RAF1: variants seen among roughly 807,000 people sequenced by gnomAD.
RAF1 encodes the protein RAF proto-oncogene serine/threonine-protein kinase.
In RAF1, 27 loss-of-function variants were observed where a neutral mutation model predicts 81.1. That is an observed-to-expected ratio of 0.33 (90% CI 0.25 to 0.46). The LOEUF is 0.46. Ranked by LOEUF, RAF1 falls within the 20% of genes least tolerant of loss-of-function variation. The probability of loss-of-function intolerance (pLI) is 1.00; values close to 1 mark genes in which losing one functional copy is unlikely to be tolerated. For missense variants in RAF1, 598 were observed against 826.0 expected (o/e 0.72, Z 3.38); for synonymous variants, 298 against 294.0 (o/e 1.01, Z -0.14).
At chr3:12,605,274 G>T (rs1287129154) in intron 6 of RAF1, among the ~76,000 whole-genome samples, 2 of 151,926 alleles carry the variant, frequency 1.3e-5, no homozygotes, top group Non-Finnish European at 2.9e-5. Flanking sequence ...GTGTGTGTGT[G>T]TGTGTGTGTA....
intron 1 of RAF1, among the ~76,000 whole-genome samples, chr3:12,638,505 C>T (rs907710150): frequency 6.6e-6 from 1 of 152,152 alleles, no homozygotes; most frequent in Admixed American, 6.6e-5. Context: ...GATAATAATA[C>T]CCAATTAAAG....
At chr3:12,630,359 T>C (rs1449346520) in intron 1 of RAF1, among the ~76,000 whole-genome samples, 1 of 152,198 alleles carries the variant, frequency 6.6e-6, no homozygotes, top group Non-Finnish European at 1.5e-5. Context: ...TACCAGGCAC[T>C]GTTCAAGATG....
chr3:12,588,653 T>G (rs2058407661), intron 13 of RAF1: 1 of 152,242 alleles, frequency 6.6e-6, no homozygotes, highest in South Asian at 2.1e-4. Flanking sequence ...TCATTATATG[T>G]TACCTGACTA....
chr3:12,589,481 T>A (rs1381890022), intron 13 of RAF1: 1 of 152,046 alleles, frequency 6.6e-6, no homozygotes, highest in Non-Finnish European at 1.5e-5. Flanking sequence ...TACGAGGAGC[T>A]CCTCTACTTC....
At chr3:12,624,897 A>AAAAAAC (rs1559456484) in intron 1 of RAF1, among the ~76,000 whole-genome samples, 33 of 138,984 alleles carry the variant, frequency 2.4e-4, no homozygotes, top group African/African-American at 4.1e-4. Flanking sequence ...AAAAAAAAAA[A>AAAAAAC]AAAAACAAAA....
chr3:12,618,580 G>A lies in RAF1; in HGVS notation c.142C>T (p.Leu48Phe), dbSNP rs752967378. 3 of 1,614,050 alleles carry A rather than the reference G, an allele frequency of 1.9e-6. No individual in the cohort carries two copies. Among genetic ancestry groups the A allele is most frequent in the Non-Finnish European group, 2.5e-6 (3 of 1,180,048 alleles). The change falls in exon 2 of 18, where the codon CTC (leucine) becomes TTC (phenylalanine). Residue 48 changes from leucine to phenylalanine, a missense_variant. Transcript: ENST00000442415. ...TTGCTTGTCTTAGAAGGATCTGTGAGTTTGCCATCATCTGATGCCCGGCGC... is the reference window on the plus strand; with the variant it reads ...TTGCTTGTCTTAGAAGGATCTGTGAATTTGCCATCATCTGATGCCCGGCGC...
In RAF1 at chr3:12,659,108, G is replaced by A. The variant is rs569511707; in HGVS notation, c.-27+4705C>T. Among the ~76,000 whole-genome samples, 3 of 151,976 alleles carry A rather than the reference G, an allele frequency of 2.0e-5. No homozygotes were observed. In the East Asian group the frequency reaches 5.8e-4, roughly 29 times the overall value. Reference sequence around the variant, plus strand: ...AAGGAATTTTTACTTACAACTCTAAGGCAAGAAAAAAATAGCCATTACTAT... The same window carrying A: ...AAGGAATTTTTACTTACAACTCTAAAGCAAGAAAAAAATAGCCATTACTAT... On this transcript the variant is annotated intron_variant, in intron 1 of 17. Transcript: ENST00000442415.
chr3:12,635,134 T>C (rs2059978335), intron 1 of RAF1, among the ~76,000 whole-genome samples: 1 of 151,772 alleles, frequency 6.6e-6, no homozygotes, highest in African/African-American at 2.4e-5. Flanking sequence ...AAGACCAGCC[T>C]GGGCAATATG....
At chr3:12,651,878 G>A (rs146449650) in intron 1 of RAF1, among the ~76,000 whole-genome samples, 2,197 of 149,270 alleles carry the variant, frequency 0.015, 51 homozygotes, top group African/African-American at 0.048. Context: ...GTGTGGTGGC[G>A]CATGCCTGTG....
intron 1 of RAF1, among the ~76,000 whole-genome samples, chr3:12,628,203 G>A (rs907489792): frequency 2.0e-5 from 3 of 152,238 alleles, no homozygotes; most frequent in Non-Finnish European, 2.9e-5. Context: ...GTTCATGCCT[G>A]TAATCCCTGC....
At chr3:12,634,265 G>C (rs1361941208) in intron 1 of RAF1, among the ~76,000 whole-genome samples, 3 of 150,602 alleles carry the variant, frequency 2.0e-5, no homozygotes, top group Non-Finnish European at 4.4e-5. Context: ...TCCTGCCTCA[G>C]CCTCCCGAGT....
rs1450436435 is a variant in RAF1, at chr3:12,625,162, C to CA, written c.-26-6416dup. ...GCAGTGGCGCAATCTCTGCTCATTGCAGCCTCCACCTTCTGGGTTCAAGTG... is the reference window on the plus strand; with the variant it reads ...GCAGTGGCGCAATCTCTGCTCATTGCAAGCCTCCACCTTCTGGGTTCAAGTG... On this transcript the variant is annotated intron_variant, in intron 1 of 17. Transcript: ENST00000442415. Among the ~76,000 whole-genome samples the CA allele has an allele frequency of 2.6e-5, 4 of 152,204 alleles. No individual in the cohort carries two copies. The East Asian group carries it at 7.8e-4, about 30-fold the overall frequency.
rs956754989 is a variant in RAF1, at chr3:12,618,761, C to G, written c.-26-14G>C. On this transcript the variant is annotated splice_polypyrimidine_tract_variant and intron_variant, in intron 1 of 17. Transcript: ENST00000442415. ...CAATTCTTAAACCTGGTAAGAAACA[C>G]AAATAATTGTAACTCTAGAACAAAA... 5 of 1,587,174 alleles carry G rather than the reference C, an allele frequency of 3.2e-6. No homozygotes were observed. The Middle Eastern group carries it at 5.0e-4, about 158-fold the overall frequency.
intron 2 of RAF1, among the ~76,000 whole-genome samples, chr3:12,614,947 A>G (rs972347025): frequency 1.3e-5 from 2 of 152,206 alleles, no homozygotes; most frequent in African/African-American, 2.4e-5. Flanking sequence ...CTATAAAGTG[A>G]TATCTGTTAC....
chr3:12,652,965 A>C (rs2060579216), intron 1 of RAF1, among the ~76,000 whole-genome samples: 1 of 151,754 alleles, frequency 6.6e-6, no homozygotes, highest in Non-Finnish European at 1.5e-5. Flanking sequence ...TTTTTAATTA[A>C]ATAAATAAAT....
chr3:12,604,383 G>C (rs2058962725), intron 6 of RAF1, 94 bp from the exon 7 acceptor site: 2 of 1,304,876 alleles, frequency 1.5e-6, no homozygotes, highest in Non-Finnish European at 2.2e-6. Context: ...GATGCTTAAG[G>C]GCAAACTCTA....
chr3:12,592,159 C>T (rs1309610978), intron 11 of RAF1: 1 of 354,216 alleles, frequency 2.8e-6, no homozygotes. Context: ...TTCACACCAA[C>T]CCTGGCAAGC....
At chr3:12,591,878 C>A in intron 11 of RAF1, 86 bp from the exon 11 acceptor site, 1 of 1,038,006 alleles carries the variant, frequency 9.6e-7, no homozygotes, top group Non-Finnish European at 1.5e-6. Context: ...TACAGTGAAT[C>A]ATTTATCCAA....
chr3:12,608,208 T>C (rs2125414582), intron 5 of RAF1, among the ~76,000 whole-genome samples: 2 of 152,324 alleles, frequency 1.3e-5, no homozygotes, highest in East Asian at 3.9e-4. Flanking sequence ...ACTTTTAATG[T>C]AAACTTTAAA....
Sources: gnomAD v4.1 joint callset for allele counts (sites outside exome capture counted in the v4.1 genomes callset) on GRCh38, gnomAD v4.1.1 for gene constraint, MANE v1.5 for transcripts, NCBI Gene and HGNC (gene_info 2026-07-23, HGNC 2026-07-21) for gene names.